Variants in OBSL1 observed in about 807,000 individuals in gnomAD.
OBSL1 encodes the protein obscurin-like protein 1.
In OBSL1, 160 loss-of-function variants were observed where a neutral mutation model predicts 172.0. The ratio of observed to expected loss-of-function variants is 0.93; its 90% CI spans 0.82 to 1.06. The LOEUF (loss-of-function observed/expected upper bound fraction) is 1.06. Among genes scored for constraint, OBSL1 ranks in the 50% least tolerant of loss-of-function variants. The probability of loss-of-function intolerance (pLI) is 0.00; values close to 1 mark genes in which losing one functional copy is unlikely to be tolerated. For missense variants in OBSL1, 2,681 were observed against 2,715.4 expected, an observed-to-expected ratio of 0.99 and a Z score of 0.28; for synonymous variants, 1,200 against 1,196.3, an observed-to-expected ratio of 1.00 and a Z score of -0.06.
chr2:219,554,629 CG>C lies in OBSL1; in HGVS notation c.4720del (p.Arg1574GlyfsTer51), dbSNP rs1695866940. ...TCCTGGATACAGCTGTACTCCACCC[CG>C]GGCCCACTCCCCGGTCACACCTTCC... ...SQEGVTGEWA[R>X]GGVQLYPGPK... On this transcript the variant is annotated frameshift_variant, in exon 15 of 21. Coordinates refer to ENST00000404537, the MANE Select transcript of OBSL1 (RefSeq NM_015311.3). LOFTEE classifies it high-confidence loss of function. The C allele has an allele frequency of 3.1e-6, 5 of 1,611,708 alleles. No individual in the cohort carries two copies. The East Asian group carries it at 1.1e-4, about 36-fold the overall frequency.
intron 9 of OBSL1, chr2:219,558,968 A>G: frequency 2.0e-6 from 1 of 503,164 alleles, no homozygotes; most frequent in East Asian, 3.0e-5. Context: ...CATCTAAAAC[A>G]GTGCCAAGCA....
At chr2:219,549,395 T>A, downstream of OBSL1, 1 of 1,585,984 alleles carries the variant, frequency 6.3e-7, no homozygotes, top group Admixed American at 1.8e-5. Context: ...GAGAAGGAAG[T>A]GTGGAAACTC....
rs770916076 is a variant in OBSL1 at position 219,557,659 on chromosome 2, C to G, written c.3791-41G>C. ...TGGAGGTCACTGGGAGGGAGAGGCTCAGGGCTTTGAGGAGGGCACGGGGAG... is the reference window on the plus strand; with the variant it reads ...TGGAGGTCACTGGGAGGGAGAGGCTGAGGGCTTTGAGGAGGGCACGGGGAG... On this transcript the variant is annotated intron_variant, in intron 11 of 20. Coordinates refer to ENST00000404537, the MANE Select transcript of OBSL1 (RefSeq NM_015311.3). The G allele has an allele frequency of 6.0e-6, 9 of 1,510,508 alleles. No homozygotes were observed. In the South Asian group the frequency reaches 1.2e-4, roughly 19 times the overall value. 93.6% of individuals were successfully genotyped at this position (1,510,508 alleles called of 1,614,324 possible).
downstream of OBSL1, chr2:219,547,441 T>C (rs1293039496): frequency 3.0e-6 from 4 of 1,316,766 alleles, no homozygotes; most frequent in Admixed American, 8.4e-5. Context: ...CTTGACCCCT[T>C]GGACCTGCTC....
Position 219,568,280 on chromosome 2 carries a change from G to C in OBSL1, c.1057C>G (p.Arg353Gly), listed in dbSNP as rs755753519. ...FTRPLQDVEG[R>G]EHGIAVLECK... The stretch of plus-strand genomic sequence containing the variant: ...TCCAGCACGGCAATCCCGTGCTCAC[G>C]GCCCTCCACGTCCTGCAGGGGCCGT... The change falls in exon 2 of 21, where the codon CGT (arginine) becomes GGT (glycine). Residue 353 changes from arginine to glycine, a missense_variant. Arg to Gly is a moderately radical substitution (Grantham distance 125). This residue lies in a region of OBSL1 where 706 missense variants were observed against 695.8 expected (regional missense o/e 1.01). Coordinates refer to ENST00000404537, the MANE Select transcript of OBSL1 (RefSeq NM_015311.3). This position sits in a 1 kb window ranked among gnomAD's most constrained non-coding sequence, Gnocchi z 4.1. 1.2e-6 allele frequency: 2 copies of C among 1,609,380 alleles called. No individual in the cohort carries two copies. The highest frequency in any genetic ancestry group is 1.7e-6 in the Non-Finnish European group (2 of 1,178,132).
intron 8 of OBSL1, 58 bp from the exon 9 acceptor site, chr2:219,559,555 C>T: frequency 6.6e-7 from 1 of 1,526,050 alleles, no homozygotes; most frequent in Non-Finnish European, 9.0e-7. Flanking sequence ...TCTCTGGAGC[C>T]ATTCGGCAGC....
chr2:219,559,373 C>T lies in OBSL1; in HGVS notation c.3078G>A (p.Gly1026=). The T allele has an allele frequency of 1.2e-6, 2 of 1,614,024 alleles. No homozygotes were observed. The highest frequency in any genetic ancestry group is 2.2e-5 in the South Asian group (2 of 91,088). Residue 1026 remains glycine (G), a synonymous_variant, in exon 9 of 21, where the codon GGG becomes GGA. Coordinates refer to ENST00000404537, the MANE Select transcript of OBSL1 (RefSeq NM_015311.3). The stretch of plus-strand genomic sequence containing the variant: ...GGGCCTCGCTCTCCTCCACTTCCAG[C>T]CCATCCTTGTACCAGCGCACAGGGG... ...EDAPVRWYKD[G]LEVEESEALV... is the part of the protein sequence containing the mutation.
At chr2:219,555,467 A>G (rs1695932838) in intron 14 of OBSL1, 2 of 188,530 alleles carry the variant, frequency 1.1e-5, no homozygotes, top group South Asian at 3.6e-4. Flanking sequence ...TTTTGTGGAG[A>G]TGGGTTCTTG....
At position 219,571,034 on chromosome 2, in the gene OBSL1, G is replaced by T; in HGVS notation, c.199C>A (p.His67Asn). Residue 67 changes from histidine (H) to asparagine (N), a missense_variant, in exon 1 of 21, where the codon CAC becomes AAC. Physicochemically the swap from His to Asn is moderately conservative, Grantham distance 68 (BLOSUM62 1). This residue lies in a region of OBSL1 where 67 missense variants were observed against 109.3 expected (regional missense o/e 0.61). Transcript: ENST00000404537. ...RLSFPADGAEHGLLLTAALPT... is the reference protein window; with the variant it reads ...RLSFPADGAENGLLLTAALPT... ...AGTGCGGCGGTCAGCAGCAGGCCGTGCTCCGCGCCGTCCGCCGGGAAGCTC... is the reference window on the plus strand; with the variant it reads ...AGTGCGGCGGTCAGCAGCAGGCCGTTCTCCGCGCCGTCCGCCGGGAAGCTC... 1 of 1,456,946 alleles carries T rather than the reference G, an allele frequency of 6.9e-7. No individual in the cohort carries two copies. The highest frequency in any genetic ancestry group is 9.0e-7 in the Non-Finnish European group (1 of 1,106,858). The allele number at this position is 1,456,946 out of a possible 1,614,324, so 90.3% of individuals were successfully genotyped here.
chr2:219,568,023 C>T lies in OBSL1; in HGVS notation c.1282+32G>A, dbSNP rs559497475. On this transcript the variant is annotated intron_variant, in intron 2 of 20. Transcript: ENST00000404537. This position sits in a 1 kb window ranked among gnomAD's most constrained non-coding sequence, Gnocchi z 4.1. ...TGGAATCTGAGCACCTGCCTGCCTC[C>T]GCCTCAGCCTCTTCCCCACGGGCCA... 19 of 1,608,520 alleles carry T rather than the reference C, an allele frequency of 1.2e-5. No homozygotes were observed. The highest frequency in any genetic ancestry group is 4.5e-5 in the East Asian group (2 of 44,716).
chr2:219,564,863 G>A (rs1227764662), intron 6 of OBSL1, among the ~76,000 whole-genome samples: 1 of 152,202 alleles, frequency 6.6e-6, no homozygotes, highest in Non-Finnish European at 1.5e-5. Context: ...ATCATTTGAG[G>A]TCAGGGGTGA....
intron 8 of OBSL1, among the ~76,000 whole-genome samples, chr2:219,560,206 C>T (rs1346381125): frequency 6.6e-6 from 1 of 152,210 alleles, no homozygotes; most frequent in Non-Finnish European, 1.5e-5. Context: ...GATTATACAA[C>T]TTCCTTAAGG....
downstream of OBSL1, chr2:219,549,598 T>G (rs1196276029): frequency 6.8e-7 from 1 of 1,476,444 alleles, no homozygotes; most frequent in African/African-American, 1.4e-5. Flanking sequence ...GTCTCAGGGC[T>G]GTGGACTCTG....
In OBSL1 at chr2:219,559,354, C is replaced by G; in HGVS notation, c.3097G>C (p.Glu1033Gln). 6.2e-7 allele frequency: 1 copy of G among 1,614,042 alleles called. No homozygotes were observed. Among genetic ancestry groups the G allele is most frequent in the South Asian group, 1.1e-5 (1 of 91,084 alleles). ...CCATCCCTCTCCAGCACCAGGGCCT[C>G]GCTCTCCTCCACTTCCAGCCCATCC... is the stretch of plus-strand genomic sequence containing the variant. ...YKDGLEVEES[E>Q]ALVLERDGPR... Residue 1033 changes from glutamate (E) to glutamine (Q), a missense_variant, in exon 9 of 21, where the codon GAG (glutamate) becomes CAG (glutamine). Physicochemically the swap from Glu to Gln is conservative, Grantham distance 29 (BLOSUM62 2). Coordinates refer to ENST00000404537, the MANE Select transcript of OBSL1 (RefSeq NM_015311.3).
rs765280401 is a variant in OBSL1, at chr2:219,563,448, G to A, written c.2587C>T (p.Arg863Cys). 5.0e-6 allele frequency: 8 copies of A among 1,613,680 alleles called. No homozygotes were observed. Among genetic ancestry groups the A allele is most frequent in the South Asian group, 3.3e-5 (3 of 91,076 alleles). Residue 863 changes from arginine (R) to cysteine (C), a missense_variant, in exon 7 of 21, where the codon CGC becomes TGC. Coordinates refer to ENST00000404537, the MANE Select transcript of OBSL1 (RefSeq NM_015311.3). ...GGCTGGGTGGCGGGCAGCACCAGGC[G>A]GCGATGGGGCCCCTCATTCTCCAGC... Reference protein sequence around the residue: ...VVLENEGPHRRLVLPATQPSD... With the variant: ...VVLENEGPHRCLVLPATQPSD...
In OBSL1 at chr2:219,554,533, G is replaced by T; in HGVS notation, c.4817C>A (p.Ser1606Ter). 6.2e-7 allele frequency: 1 copy of T among 1,613,450 alleles called. No individual in the cohort carries two copies. The highest frequency in any genetic ancestry group is 1.3e-5 in the African/African-American group (1 of 75,062). ...ATCCGCTGTGAAGGAGACACAGCCTGAGTCGGCCAGGCCCAGGCCATTGAG... is the reference window on the plus strand; with the variant it reads ...ATCCGCTGTGAAGGAGACACAGCCTTAGTCGGCCAGGCCCAGGCCATTGAG... ...LVLNGLGLAD[S>*]GCVSFTADSL... The change falls in exon 15 of 21, where the codon TCA becomes TAA. Residue 1606 changes from serine to a stop codon, truncating the protein, a stop_gained. Coordinates refer to ENST00000404537, the MANE Select transcript of OBSL1 (RefSeq NM_015311.3). LOFTEE classifies it high-confidence loss of function.
intron 12 of OBSL1, 45 bp from the exon 13 acceptor site, chr2:219,556,768 C>G: frequency 6.6e-7 from 1 of 1,526,422 alleles, no homozygotes; most frequent in Non-Finnish European, 8.8e-7. Flanking sequence ...GTCTTTTCTT[C>G]TCTCTCCTTT....
In OBSL1 at chr2:219,554,696, T is replaced by C. The variant is rs1346862336; in HGVS notation, c.4654A>G (p.Ser1552Gly). ...TGGAAGGTGGCACTGCCCCCCTCACTGATGGTCACGTCCTCCAGAGGCCGC... is the reference window on the plus strand; with the variant it reads ...TGGAAGGTGGCACTGCCCCCCTCACCGATGGTCACGTCCTCCAGAGGCCGC... ...VLRPLEDVTI[S>G]EGGSATFQLE... The change falls in exon 15 of 21, where the codon AGT becomes GGT. Residue 1552 changes from serine to glycine, a missense_variant. Physicochemically the swap from Ser to Gly is moderately conservative, Grantham distance 56 (BLOSUM62 0). Coordinates refer to ENST00000404537, the MANE Select transcript of OBSL1 (RefSeq NM_015311.3). 1 of 1,582,504 alleles carries C rather than the reference T, an allele frequency of 6.3e-7. No homozygotes were observed. Among genetic ancestry groups the C allele is most frequent in the Non-Finnish European group, 8.6e-7 (1 of 1,164,238 alleles).
At chr2:219,554,826 T>A in intron 14 of OBSL1, 86 bp from the exon 15 acceptor site, 1 of 1,426,166 alleles carries the variant, frequency 7.0e-7, no homozygotes, top group South Asian at 1.4e-5. Flanking sequence ...TGGCCCTGCC[T>A]ACACCCCTGA....
Sources: gnomAD v4.1 joint callset for allele counts (sites outside exome capture counted in the v4.1 genomes callset) on GRCh38, gnomAD v4.1.1 for gene constraint, gnomAD v4.1.1 regional missense constraint, Gnocchi (gnomAD v3.1) non-coding constraint, MANE v1.5 for transcripts, NCBI Gene and HGNC (gene_info 2026-07-23, HGNC 2026-07-21) for gene names.